Variants in ZNF768 observed in about 807,000 individuals in gnomAD.
ZNF768 encodes the protein zinc finger protein 768.
ZNF768 carries 12 observed loss-of-function variants against 39.7 expected under a neutral mutation model. The observed-to-expected ratio is 0.30, with a 90% CI of 0.19 to 0.49. ZNF768 has a LOEUF of 0.49. Among genes scored for constraint, ZNF768 ranks in the 20% least tolerant of loss-of-function variants. The pLI is 0.99. For missense variants in ZNF768, 613 were observed against 723.2 expected (o/e 0.85, Z 1.75); for synonymous variants, 360 against 288.4 (o/e 1.25, Z -2.52).
Position 30,525,469 on chromosome 16 carries a change from A to G in ZNF768, c.671T>C (p.Leu224Pro). 1 of 1,614,168 alleles carries G rather than the reference A, an allele frequency of 6.2e-7. No individual in the cohort carries two copies. Among genetic ancestry groups the G allele is most frequent in the Non-Finnish European group, 8.5e-7 (1 of 1,180,046 alleles). The change falls in exon 2 of 2, where the codon CTG (leucine) becomes CCG (proline). Residue 224 changes from leucine to proline, a missense_variant. By Grantham distance (98) the Leu-to-Pro change is moderately conservative. Transcript: ENST00000380412. ...AAGCATCTCAAACTGCGGTGTAGAC[A>G]GCAGGGCCCCTGTGGGCATCTCAAA... is the stretch of plus-strand genomic sequence containing the variant. ...PPFEMPTGAL[L>P]STPQFEMLQN...
upstream of ZNF768, among the ~76,000 whole-genome samples, chr16:30,529,689 T>C (rs761618936): frequency 1.3e-4 from 20 of 152,126 alleles, no homozygotes; most frequent in Non-Finnish European, 2.4e-4. Flanking sequence ...CCACTACTCT[T>C]GCAAAACTAA....
chr16:30,525,096 T>C lies in ZNF768; in HGVS notation c.1044A>G (p.Pro348=), dbSNP rs202117110. The C allele has an allele frequency of 1.1e-5, 18 of 1,613,084 alleles. No homozygotes were observed. The highest frequency in any genetic ancestry group is 1.6e-4 in the Middle Eastern group (1 of 6,062). ...TGTCGCCGAAGGCCTTGCCACAATG[T>C]GGGCACTTGTAGGGCTTCTGGCCAG... ...THSGQKPYKC[P]HCGKAFGDSS... is the part of the protein sequence containing the mutation. Residue 348 remains proline, a synonymous_variant, in exon 2 of 2, where the codon CCA becomes CCG. Coordinates refer to ENST00000380412, the MANE Select transcript of ZNF768 (RefSeq NM_024671.4).
upstream of ZNF768, among the ~76,000 whole-genome samples, chr16:30,529,581 C>G (rs552267777): frequency 2.6e-5 from 4 of 152,278 alleles, no homozygotes; most frequent in East Asian, 5.8e-4. Context: ...TCCTAAGTAC[C>G]CAGGAAGACA....
Position 30,526,493 on chromosome 16 carries a change from C to G in ZNF768, c.-80G>C. The G allele has an allele frequency of 5.5e-6, 7 of 1,261,468 alleles. No homozygotes were observed. The highest frequency in any genetic ancestry group is 1.6e-5 in the African/African-American group (1 of 62,894). The allele number at this position is 1,261,468 out of a possible 1,614,324, so 78.1% of individuals were successfully genotyped here. A position where few individuals can be genotyped will look rare whatever the true frequency, so the allele number is the denominator to read the frequency against. ...GGCCTCGGTTGCCCCGAGCCGCGGG[C>G]CCCCGCCTCCCGCCCGCTCAGCGCC... On this transcript the variant is annotated 5_prime_UTR_variant, in exon 1 of 2. Coordinates refer to ENST00000380412, the MANE Select transcript of ZNF768 (RefSeq NM_024671.4).
In ZNF768 at chr16:30,524,780, C is replaced by T. The variant is rs757954791; in HGVS notation, c.1360G>A (p.Gly454Ser). The T allele has an allele frequency of 3.1e-6, 5 of 1,611,908 alleles. No individual in the cohort carries two copies. The East Asian group carries it at 8.9e-5, about 29-fold the overall frequency. The change falls in exon 2 of 2, where the codon GGC becomes AGC. Residue 454 changes from glycine to serine, a missense_variant. By Grantham distance (56) the Gly-to-Ser change is moderately conservative. This residue lies in a region of ZNF768 where 204 missense variants were observed against 281.7 expected (regional missense o/e 0.72). Coordinates refer to ENST00000380412, the MANE Select transcript of ZNF768 (RefSeq NM_024671.4). ...CAGTCGGGGCAGCTGTAGGTGCGGC[C>T]TGGCAGGTGGGTGCGGGCGTGGATG... ...LAIHARTHLPGRTYSCPDCGK... is the reference protein window; with the variant it reads ...LAIHARTHLPSRTYSCPDCGK...
chr16:30,532,278 C>A, the ZNF768 span: 3 of 614,780 alleles, frequency 4.9e-6, no homozygotes, highest in Non-Finnish European at 2.9e-6. Flanking sequence ...GGGGTTCTCA[C>A]CTCAGCCCTG....
Position 30,524,803 on chromosome 16 carries a change from A to G in ZNF768, c.1337T>C (p.Ile446Thr), listed in dbSNP as rs754536313. 3 of 1,610,362 alleles carry G rather than the reference A, an allele frequency of 1.9e-6. No homozygotes were observed. Among genetic ancestry groups the G allele is most frequent in the Non-Finnish European group, 2.5e-6 (3 of 1,179,456 alleles). Residue 446 changes from isoleucine to threonine, a missense_variant, in exon 2 of 2, where the codon ATC (isoleucine) becomes ACC (threonine). Ile to Thr is a moderately conservative substitution (Grantham distance 89, BLOSUM62 -1). Around this residue, in one of 4 missense-constraint regions of ZNF768, gnomAD observed 204 missense variants for 281.7 expected, o/e 0.72. Transcript: ENST00000380412. Reference sequence around the variant, plus strand: ...GCCTGGCAGGTGGGTGCGGGCGTGGATGGCCAGCACCGAGCTCTGGCCAAA... The same window carrying G: ...GCCTGGCAGGTGGGTGCGGGCGTGGGTGGCCAGCACCGAGCTCTGGCCAAA... ...KRFGQSSVLA[I>T]HARTHLPGRT...
At chr16:30,527,298 C>A, upstream of ZNF768, 2 of 986,170 alleles carry the variant, frequency 2.0e-6, no homozygotes, top group Non-Finnish European at 2.4e-6. Flanking sequence ...CTCCGGCCCC[C>A]ACCCAGCTCG....
chr16:30,526,992 T>C, upstream of ZNF768: 4 of 985,304 alleles, frequency 4.1e-6, no homozygotes, highest in Non-Finnish European at 4.8e-6. Flanking sequence ...TGTGTGCCTA[T>C]GTTCTAGGTC....
chr16:30,529,827 T>G (rs540005971), upstream of ZNF768, among the ~76,000 whole-genome samples: 3 of 149,692 alleles, frequency 2.0e-5, no homozygotes, highest in Admixed American at 1.3e-4. Context: ...GCTAGTTTTT[T>G]TTTTTTTTTT....
the ZNF768 span, chr16:30,532,066 T>G: frequency 5.5e-6 from 1 of 180,842 alleles, no homozygotes; most frequent in Non-Finnish European, 1.2e-5. Flanking sequence ...GAGAATCGCT[T>G]GACTCCAGGA....
At chr16:30,532,298 A>AG in the ZNF768 span, 1 of 640,144 alleles carries the variant, frequency 1.6e-6, no homozygotes, top group South Asian at 1.9e-5. Flanking sequence ...GCCTCAGCAA[A>AG]GGGGGCCTTG....
upstream of ZNF768, chr16:30,526,678 G>A (rs1192335845): frequency 8.6e-6 from 8 of 935,384 alleles, no homozygotes; most frequent in African/African-American, 1.1e-4. Flanking sequence ...TCGCGGCCTC[G>A]GGGATGAGGG....
the ZNF768 span, chr16:30,532,290 C>T: frequency 4.8e-6 from 3 of 629,700 alleles, no homozygotes; most frequent in East Asian, 8.2e-5. Context: ...TCAGCCCTGC[C>T]TCAGCAAAGG....
upstream of ZNF768, among the ~76,000 whole-genome samples, chr16:30,528,698 G>A (rs995971308): frequency 2.6e-5 from 4 of 152,148 alleles, no homozygotes; most frequent in African/African-American, 9.7e-5. Context: ...TGAAACCTTT[G>A]CTAAGAATGG....
chr16:30,531,879 G>C, the ZNF768 span: 5 of 152,322 alleles, frequency 3.3e-5, no homozygotes, highest in African/African-American at 1.2e-4. Flanking sequence ...AGGTGAGGTG[G>C]CTCACGCCTG....
At position 30,524,639 on chromosome 16, in the gene ZNF768, G is replaced by A; in HGVS notation, c.1501C>T (p.Leu501=). 1.2e-6 allele frequency: 2 copies of A among 1,612,724 alleles called. No homozygotes were observed. The highest frequency in any genetic ancestry group is 1.1e-5 in the South Asian group (1 of 91,070). The change falls in exon 2 of 2, where the codon CTG becomes TTG. Residue 501 remains leucine (L), a synonymous_variant. Coordinates refer to ENST00000380412, the MANE Select transcript of ZNF768 (RefSeq NM_024671.4). ...CCACTGTGGACCCGGTGATGCTGCAGAAGCGTGGAGGAGCGGCAGAAGCCC... is the reference window on the plus strand; with the variant it reads ...CCACTGTGGACCCGGTGATGCTGCAAAAGCGTGGAGGAGCGGCAGAAGCCC... ...GKGFCRSSTL[L]QHHRVHSGER... is the part of the protein sequence containing the mutation.
chr16:30,525,325 C>T lies in ZNF768; in HGVS notation c.815G>A (p.Arg272Gln). The T allele has an allele frequency of 6.2e-7, 1 of 1,613,938 alleles. No homozygotes were observed. The highest frequency in any genetic ancestry group is 8.5e-7 in the Non-Finnish European group (1 of 1,179,926). Residue 272 changes from arginine (R) to glutamine (Q), a missense_variant, in exon 2 of 2, where the codon CGG (arginine) becomes CAG (glutamine). Around this residue, in one of 4 missense-constraint regions of ZNF768, gnomAD observed 40 missense variants for 52.0 expected, o/e 0.77. Transcript: ENST00000380412. The stretch of plus-strand genomic sequence containing the variant: ...CTGGTGCTGGATCAGGGTGGAGCCC[C>T]GCCCGAAGCTCTTCCCGCAGATGCC... ...ICGICGKSFG[R>Q]GSTLIQHQRI...
In ZNF768 at chr16:30,525,512, G is replaced by A. The variant is rs1174008945; in HGVS notation, c.628C>T (p.Leu210=). 2.5e-6 allele frequency: 4 copies of A among 1,614,204 alleles called. No individual in the cohort carries two copies. The highest frequency in any genetic ancestry group is 3.4e-6 in the Non-Finnish European group (4 of 1,180,034). The change falls in exon 2 of 2, where the codon CTG becomes TTG. Residue 210 remains leucine (L), a synonymous_variant. Coordinates refer to ENST00000380412, the MANE Select transcript of ZNF768 (RefSeq NM_024671.4). ...QGFGEQPTGD[L]PIGPPFEMPT... ...ATCTCAAAAGGTGGCCCTATGGGCAGGTCCCCTGTGGGCTGCTCCCCAAAC... is the reference window on the plus strand; with the variant it reads ...ATCTCAAAAGGTGGCCCTATGGGCAAGTCCCCTGTGGGCTGCTCCCCAAAC...
Sources: allele counts gnomAD v4.1 joint callset (sites outside exome capture counted in the v4.1 genomes callset), GRCh38; gene constraint gnomAD v4.1.1; regional missense constraint gnomAD v4.1.1; transcripts MANE v1.5; gene names NCBI Gene and HGNC (gene_info 2026-07-23, HGNC 2026-07-21).